Variants in NRXN3 observed in about 807,000 individuals in gnomAD.
NRXN3 encodes neurexin 3.
In NRXN3, 32 loss-of-function variants were observed where a neutral mutation model predicts 137.6. The observed-to-expected ratio is 0.23, with a 90% CI of 0.18 to 0.31. The LOEUF (loss-of-function observed/expected upper bound fraction) is 0.31. Among genes scored for constraint, NRXN3 ranks in the 10% least tolerant of loss-of-function variants. The pLI, the probability that NRXN3 is intolerant of heterozygous loss-of-function variation, is 1.00. For synonymous variants in NRXN3, 798 were observed against 784.5 expected (o/e 1.02, Z -0.29); for missense variants, 1,574 against 2,062.5 (o/e 0.76, Z 4.59).
chr14:79,657,494 C>T (rs2153980229), intron 16 of NRXN3, among the ~76,000 whole-genome samples: 1 of 152,214 alleles, frequency 6.6e-6, no homozygotes, highest in South Asian at 2.1e-4. Context: ...TTAGATTTTT[C>T]AACGGAGAGA....
intron 15 of NRXN3, among the ~76,000 whole-genome samples, chr14:79,364,244 G>A (rs1266281593): frequency 6.6e-6 from 1 of 151,692 alleles, no homozygotes; most frequent in African/African-American, 2.4e-5. Flanking sequence ...TTTTTTGTCC[G>A]TGATTGCTTT....
chr14:79,828,703 G>C (rs1424250621), intron 20 of NRXN3, among the ~76,000 whole-genome samples: 6 of 139,538 alleles, frequency 4.3e-5, no homozygotes, highest in Non-Finnish European at 9.1e-5. Flanking sequence ...GACAGGAATA[G>C]ATTTGACTGG....
At chr14:79,801,789 G>A (rs923650530) in intron 19 of NRXN3, among the ~76,000 whole-genome samples, 8 of 152,108 alleles carry the variant, frequency 5.3e-5, no homozygotes, top group Non-Finnish European at 1.0e-4. Context: ...ACAAATCTTT[G>A]GGCAAAGTGG....
chr14:78,810,818 C>G (rs753014912), intron 10 of NRXN3, among the ~76,000 whole-genome samples: 1 of 152,184 alleles, frequency 6.6e-6, no homozygotes, highest in Non-Finnish European at 1.5e-5. Context: ...TTGGGAACTT[C>G]TAGCAGGTGG....
At chr14:79,779,261 G>A (rs1391618088) in intron 19 of NRXN3, among the ~76,000 whole-genome samples, 1 of 152,056 alleles carries the variant, frequency 6.6e-6, no homozygotes, top group East Asian at 1.9e-4. Context: ...TTACAAACAT[G>A]GGCCACCCAT....
intron 15 of NRXN3, among the ~76,000 whole-genome samples, chr14:79,260,515 A>T (rs1027844352): frequency 6.6e-6 from 1 of 152,182 alleles, no homozygotes; most frequent in Non-Finnish European, 1.5e-5. Context: ...ACAGCCACCC[A>T]CAACATAGGT....
Position 78,259,205 on chromosome 14 carries a change from C to T in NRXN3, c.709+15403C>T, listed in dbSNP as rs139685146. ...ACTTAAGTCTCATATGCGGTGATGACGAACCTGAGGGTTTTGAATGTTTTT... is the reference window on the plus strand; with the variant it reads ...ACTTAAGTCTCATATGCGGTGATGATGAACCTGAGGGTTTTGAATGTTTTT... On this transcript the variant is annotated intron_variant, in intron 2 of 20. Transcript: ENST00000335750. 8.6e-5 allele frequency among the ~76,000 whole-genome samples: 13 copies of T among 151,948 alleles called. No homozygotes were observed. In the East Asian group the frequency reaches 9.7e-4, roughly 11 times the overall value.
intron 15 of NRXN3, among the ~76,000 whole-genome samples, chr14:79,130,876 T>C (rs372252401): frequency 1.3e-5 from 2 of 152,120 alleles, no homozygotes; most frequent in East Asian, 3.9e-4. Context: ...CTTTGCTCAT[T>C]TCTTTTTATT....
intron 15 of NRXN3, 127 bp downstream of exon 15, chr14:78,988,268 C>T: frequency 8.2e-7 from 1 of 1,212,868 alleles, no homozygotes; most frequent in Non-Finnish European, 1.2e-6. Context: ...CCTCCAGAAA[C>T]TTGGGAAATA....
intron 10 of NRXN3, among the ~76,000 whole-genome samples, chr14:78,937,575 G>A (rs531662182): frequency 2.0e-5 from 3 of 152,284 alleles, no homozygotes; most frequent in East Asian, 3.9e-4. Context: ...GTAATAGAGT[G>A]TATTTAGTTA....
At chr14:78,809,233 T>C (rs937600220) in intron 9 of NRXN3, among the ~76,000 whole-genome samples, 2 of 152,192 alleles carry the variant, frequency 1.3e-5, no homozygotes, top group Non-Finnish European at 2.9e-5. Context: ...TTACTAGCTC[T>C]GGCCAGTTGG....
intron 4 of NRXN3, among the ~76,000 whole-genome samples, chr14:78,398,594 A>G (rs2091748542): frequency 2.0e-5 from 3 of 152,268 alleles, no homozygotes; most frequent in Non-Finnish European, 4.4e-5. Flanking sequence ...CTCCCTATCT[A>G]AGAGTGAAAG....
chr14:78,898,642 A>G (rs1398360716), intron 10 of NRXN3, among the ~76,000 whole-genome samples: 4 of 151,118 alleles, frequency 2.6e-5, no homozygotes, highest in African/African-American at 4.9e-5. Flanking sequence ...ATAGATTCAT[A>G]GTATTTTCCT....
intron 16 of NRXN3, among the ~76,000 whole-genome samples, chr14:79,470,946 G>C (rs1455547844): frequency 1.2e-5 from 1 of 84,414 alleles, no homozygotes; most frequent in East Asian, 6.0e-4. Flanking sequence ...GAGAAAGAGA[G>C]AGAGAGTGTG....
intron 6 of NRXN3, among the ~76,000 whole-genome samples, chr14:78,687,391 T>A (rs2098133755): frequency 6.6e-6 from 1 of 152,110 alleles, no homozygotes. Flanking sequence ...CATAGCAATG[T>A]GGATTAGAGT....
At chr14:78,732,925 T>C (rs2098523358) in intron 8 of NRXN3, among the ~76,000 whole-genome samples, 1 of 152,088 alleles carries the variant, frequency 6.6e-6, no homozygotes, top group African/African-American at 2.4e-5. Flanking sequence ...TTTTGGAAAA[T>C]TTAGAATTAC....
At chr14:79,395,054 G>C (rs1372469386) in intron 15 of NRXN3, among the ~76,000 whole-genome samples, 1 of 152,108 alleles carries the variant, frequency 6.6e-6, no homozygotes, top group Non-Finnish European at 1.5e-5. Flanking sequence ...TCATTTTATT[G>C]TCTTCACTAT....
intron 10 of NRXN3, among the ~76,000 whole-genome samples, chr14:78,880,646 A>G (rs2099126523): frequency 6.6e-6 from 1 of 152,206 alleles, no homozygotes; most frequent in South Asian, 2.1e-4. Flanking sequence ...CATGAAGAGT[A>G]TCAGAGTATC....
chr14:78,904,135 G>A (rs2099207032), intron 10 of NRXN3, among the ~76,000 whole-genome samples: 1 of 152,062 alleles, frequency 6.6e-6, no homozygotes, highest in African/African-American at 2.4e-5. Flanking sequence ...AGGCAGGCTT[G>A]GGTTCAAAAT....
Sources: gnomAD v4.1 joint callset for allele counts (sites outside exome capture counted in the v4.1 genomes callset) on GRCh38, gnomAD v4.1.1 for gene constraint, MANE v1.5 for transcripts, NCBI Gene and HGNC (gene_info 2026-07-23, HGNC 2026-07-21) for gene names.